Variants in DSE observed in about 807,000 individuals in gnomAD.
The protein encoded by DSE is dermatan sulfate epimerase.
A neutral mutation model predicts 84.4 loss-of-function variants in DSE; 36 were observed. That is an observed-to-expected ratio of 0.43 (90% CI 0.33 to 0.56). The LOEUF (loss-of-function observed/expected upper bound fraction) is 0.56, where lower values mean the gene tolerates loss of function less well. Among genes scored for constraint, DSE ranks in the 20% least tolerant of loss-of-function variants. DSE has a pLI of 0.06. For synonymous variants in DSE, 410 were observed against 430.1 expected (o/e 0.95, Z 0.58); for missense variants, 862 against 1,169.6 (o/e 0.74, Z 3.84).
rs1347026833 is a variant in DSE, at chr6:116,444,721, A to C, written c.*7376A>C. 6.6e-6 allele frequency: 1 copy of C among 152,184 alleles called. No individual in the cohort carries two copies. The highest frequency in any genetic ancestry group is 1.5e-5 in the Non-Finnish European group (1 of 68,054). 9.4% of individuals were successfully genotyped at this position (152,184 alleles called of 1,614,324 possible). ...CCAGAGAGGTCCCTTGTCCCTTCCAACATGTGAGGCTACAGTGAAAAGATG... is the reference window on the plus strand; with the variant it reads ...CCAGAGAGGTCCCTTGTCCCTTCCACCATGTGAGGCTACAGTGAAAAGATG... On this transcript the variant is annotated 3_prime_UTR_variant, in exon 6 of 6. Transcript: ENST00000644252.
chr6:116,409,480 C>T (rs1191289107), intron 2 of DSE, among the ~76,000 whole-genome samples: 2 of 152,056 alleles, frequency 1.3e-5, no homozygotes, highest in South Asian at 2.1e-4. Flanking sequence ...GGGGTTTCAC[C>T]ATGTTAGCCA....
At position 116,436,428 on chromosome 6, in the gene DSE, C is replaced by T. The variant is rs375860937; in HGVS notation, c.1960C>T (p.Arg654Ter). 4 of 1,613,994 alleles carry T rather than the reference C, an allele frequency of 2.5e-6. No individual in the cohort carries two copies. Among genetic ancestry groups the T allele is most frequent in the Admixed American group, 1.7e-5 (1 of 59,980 alleles). The stretch of plus-strand genomic sequence containing the variant: ...CTATGTGAATGTCACCATGCACCTC[C>T]GAAGTCCCATCACCAGGGCAGCTTA... ...TNYVNVTMHL[R>*]SPITRAAYLF... Residue 654 changes from arginine (R) to a stop codon, truncating the protein, a stop_gained, in exon 6 of 6, where the codon CGA becomes TGA. Transcript: ENST00000644252. LOFTEE classifies it high-confidence loss of function.
chr6:116,316,842 T>TATTATTATTATTATC (rs1381206153), intron 2 of DSE, among the ~76,000 whole-genome samples: 8 of 150,740 alleles, frequency 5.3e-5, no homozygotes, highest in Admixed American at 6.6e-5. Flanking sequence ...TTATTATTAT[T>TATTATTATTATTATC]ATTATTATTA....
At chr6:116,385,178 C>T (rs1562271311) in intron 1 of DSE, among the ~76,000 whole-genome samples, 3 of 152,218 alleles carry the variant, frequency 2.0e-5, no homozygotes, top group East Asian at 3.9e-4. Context: ...ACTGGACAGT[C>T]GGACATGAAG....
intron 2 of DSE, among the ~76,000 whole-genome samples, chr6:116,326,958 C>T (rs563121494): frequency 2.0e-5 from 3 of 152,290 alleles, no homozygotes; most frequent in South Asian, 4.1e-4. Flanking sequence ...TTTCATGTTG[C>T]TTCACATTTA....
chr6:116,416,921 T>C (rs141919521), intron 2 of DSE, among the ~76,000 whole-genome samples: 16 of 152,328 alleles, frequency 1.1e-4, no homozygotes, highest in African/African-American at 3.6e-4. Flanking sequence ...ATCAAGCTCC[T>C]TTTTAAAATG....
chr6:116,382,440 G>C (rs139082403), intron 1 of DSE, among the ~76,000 whole-genome samples: 2 of 152,266 alleles, frequency 1.3e-5, no homozygotes, highest in East Asian at 3.9e-4. Flanking sequence ...AATGGACATT[G>C]CCATAAAGGG....
intron 2 of DSE, among the ~76,000 whole-genome samples, chr6:116,362,247 CATAAGA>C (rs759183672): frequency 7.2e-5 from 11 of 152,224 alleles, no homozygotes; most frequent in Non-Finnish European, 1.5e-4. Context: ...CTCAAAGGTA[CATAAGA>C]ATCACCTGCA....
At chr6:116,419,894 G>T (rs2115045418) in intron 2 of DSE, among the ~76,000 whole-genome samples, 1 of 152,274 alleles carries the variant, frequency 6.6e-6, no homozygotes, top group South Asian at 2.1e-4. Flanking sequence ...CATTTTATTG[G>T]AGTTATCCTC....
intron 2 of DSE, among the ~76,000 whole-genome samples, chr6:116,414,170 T>C (rs2115031594): frequency 6.6e-6 from 1 of 152,288 alleles, no homozygotes; most frequent in East Asian, 1.9e-4. Flanking sequence ...CTCTCAGTTC[T>C]GGAAGCTAGA....
chr6:116,436,885 CAAAG>C lies in DSE; in HGVS notation c.2421_2424del (p.Lys808ThrfsTer42). The C allele has an allele frequency of 6.2e-7, 1 of 1,613,982 alleles. No homozygotes were observed. The highest frequency in any genetic ancestry group is 2.2e-5 in the East Asian group (1 of 44,878). On this transcript the variant is annotated frameshift_variant, in exon 6 of 6. Coordinates refer to ENST00000644252, the MANE Select transcript of DSE (RefSeq NM_013352.4). LOFTEE classifies it high-confidence loss of function. Reference sequence around the variant, plus strand: ...CAGCAACAGCAGCAGCAAAGCAAGTCAAAGAAAAACCGAAGGGCAGGCAAACGCT... The same window carrying C: ...CAGCAACAGCAGCAGCAAAGCAAGTCAAAAACCGAAGGGCAGGCAAACGCT...
intron 1 of DSE, among the ~76,000 whole-genome samples, chr6:116,379,919 T>A (rs1344183109): frequency 6.6e-6 from 1 of 152,150 alleles, no homozygotes; most frequent in Non-Finnish European, 1.5e-5. Flanking sequence ...AGACTACAAA[T>A]TGCCATAAAA....
chr6:116,305,269 C>T (rs570745615), intron 2 of DSE, among the ~76,000 whole-genome samples: 1 of 152,268 alleles, frequency 6.6e-6, no homozygotes, highest in African/African-American at 2.4e-5. Flanking sequence ...AGGCTCCTCC[C>T]TGCCCCTTAT....
rs150248646 is a variant in DSE, at chr6:116,442,632, G to C, written c.*5287G>C. ...GTGTTGGCCCACAGGGTGTGTGATG[G>C]AGAATGGGTGAAGATGAAACTGAAA... On this transcript the variant is annotated 3_prime_UTR_variant, in exon 6 of 6. Coordinates refer to ENST00000644252, the MANE Select transcript of DSE (RefSeq NM_013352.4). 6.6e-6 allele frequency: 1 copy of C among 152,320 alleles called. No individual in the cohort carries two copies. Among genetic ancestry groups the C allele is most frequent in the Non-Finnish European group, 1.5e-5 (1 of 68,092 alleles). 9.4% of individuals were successfully genotyped at this position (152,320 alleles called of 1,614,324 possible). A position where few individuals can be genotyped will look rare whatever the true frequency, so the allele number is the denominator to read the frequency against.
chr6:116,411,352 C>T (rs890012784), intron 2 of DSE, among the ~76,000 whole-genome samples: 1 of 152,196 alleles, frequency 6.6e-6, no homozygotes, highest in African/African-American at 2.4e-5. Context: ...AATGAGAAAT[C>T]GAGGTGCTGA....
intron 2 of DSE, among the ~76,000 whole-genome samples, chr6:116,311,780 A>C (rs114662948): frequency 5.9e-5 from 9 of 152,096 alleles, no homozygotes; most frequent in African/African-American, 2.2e-4. Flanking sequence ...GAATGTTCCA[A>C]ATGTTTAAAG....
At chr6:116,292,208 T>C (rs180823397) in intron 2 of DSE, among the ~76,000 whole-genome samples, 148 of 152,114 alleles carry the variant, frequency 9.7e-4, no homozygotes, top group African/African-American at 3.5e-3. Context: ...TGAGGAACAC[T>C]GACGTGAAAG....
intron 2 of DSE, among the ~76,000 whole-genome samples, chr6:116,424,837 G>C (rs563486504): frequency 6.6e-6 from 1 of 152,262 alleles, no homozygotes; most frequent in Non-Finnish European, 1.5e-5. Flanking sequence ...AACTTCTAAA[G>C]GAAAAACATA....
intron 2 of DSE, chr6:116,278,169 A>G: frequency 3.2e-6 from 1 of 314,952 alleles, no homozygotes; most frequent in Admixed American, 4.4e-5. Flanking sequence ...TAGAAATCCA[A>G]GTGACAGCAA....
Sources: allele counts gnomAD v4.1 joint callset (sites outside exome capture counted in the v4.1 genomes callset), GRCh38; gene constraint gnomAD v4.1.1; transcripts MANE v1.5; gene names NCBI Gene and HGNC (gene_info 2026-07-23, HGNC 2026-07-21).